TAS2R1: variants seen among roughly 807,000 people sequenced by gnomAD.
The protein encoded by TAS2R1 is taste 2 receptor member 1.
For synonymous variants in TAS2R1, 141 were observed against 134.2 expected (o/e 1.05, Z -0.35); for missense variants, 370 against 353.4 (o/e 1.05, Z -0.38).
chr5:9,649,473 T>A (rs1436199830), intron 2 of TAS2R1, among the ~76,000 whole-genome samples: 4 of 152,174 alleles, frequency 2.6e-5, no homozygotes, highest in Non-Finnish European at 4.4e-5. Context: ...TCCAGCTACA[T>A]CTTATCTTTT....
At chr5:9,751,405 A>G in the TAS2R1 span, among the ~76,000 whole-genome samples, 1 of 152,102 alleles carries the variant, frequency 6.6e-6, no homozygotes, top group Non-Finnish European at 1.5e-5. Context: ...ACCATATAAT[A>G]TATTCTCATG....
At chr5:9,763,225 C>A in the TAS2R1 span, among the ~76,000 whole-genome samples, 3 of 152,160 alleles carry the variant, frequency 2.0e-5, no homozygotes, top group African/African-American at 7.2e-5. Flanking sequence ...TTATGTATGG[C>A]CAGGCACGGT....
the TAS2R1 span, among the ~76,000 whole-genome samples, chr5:9,884,215 C>T: frequency 3.3e-5 from 5 of 152,072 alleles, 1 homozygote; most frequent in African/African-American, 9.7e-5. Context: ...GTGGCTCATG[C>T]CTGTAATCCC....
intron 1 of TAS2R1, among the ~76,000 whole-genome samples, chr5:9,690,870 C>T (rs547879956): frequency 1.3e-5 from 2 of 152,210 alleles, no homozygotes; most frequent in African/African-American, 4.8e-5. Context: ...TCATTAAAAA[C>T]AAAACAGAGC....
chr5:9,900,618 GTT>G, the TAS2R1 span, among the ~76,000 whole-genome samples: 471 of 119,920 alleles, frequency 3.9e-3, 2 homozygotes, highest in African/African-American at 0.012. Context: ...TGCTCAAATG[GTT>G]TTTTTTTTTT....
intron 2 of TAS2R1, among the ~76,000 whole-genome samples, chr5:9,655,238 C>T (rs540936931): frequency 1.3e-5 from 2 of 152,256 alleles, no homozygotes; most frequent in Non-Finnish European, 2.9e-5. Flanking sequence ...ATCATGGTTA[C>T]ATGAGGCATG....
chr5:9,897,020 T>A, the TAS2R1 span, among the ~76,000 whole-genome samples: 11 of 152,190 alleles, frequency 7.2e-5, no homozygotes, highest in Admixed American at 4.6e-4. Flanking sequence ...TGAAAACATC[T>A]GTGTTATGTA....
At chr5:9,841,299 C>G in the TAS2R1 span, among the ~76,000 whole-genome samples, 1 of 152,250 alleles carries the variant, frequency 6.6e-6, no homozygotes, top group East Asian at 1.9e-4. Context: ...TGAAATATTA[C>G]ATATTCCCTT....
chr5:9,654,099 T>C (rs1740361091), intron 2 of TAS2R1, among the ~76,000 whole-genome samples: 1 of 152,070 alleles, frequency 6.6e-6, no homozygotes, highest in Non-Finnish European at 1.5e-5. Context: ...TAAATTCCCT[T>C]CCAAAAATAG....
At chr5:9,716,603 C>T (rs577499735), upstream of TAS2R1, among the ~76,000 whole-genome samples, 20 of 152,098 alleles carry the variant, frequency 1.3e-4, no homozygotes, top group African/African-American at 4.8e-4. Context: ...CTCATAATCA[C>T]CCAAACCTAG....
chr5:9,680,255 T>C (rs1221565165), intron 1 of TAS2R1, among the ~76,000 whole-genome samples: 2 of 152,196 alleles, frequency 1.3e-5, no homozygotes, highest in Admixed American at 1.3e-4. Context: ...AATAAGTGAT[T>C]AGTAATTACA....
intron 2 of TAS2R1, among the ~76,000 whole-genome samples, chr5:9,652,509 G>A (rs902087658): frequency 3.9e-5 from 6 of 152,130 alleles, no homozygotes; most frequent in South Asian, 2.1e-4. Context: ...CTATAGGGAG[G>A]GGGAGCCACA....
chr5:9,805,372 G>A, the TAS2R1 span, among the ~76,000 whole-genome samples: 1 of 152,052 alleles, frequency 6.6e-6, no homozygotes, highest in Non-Finnish European at 1.5e-5. Context: ...AGAGAAAGAG[G>A]AAATTCTCCC....
In TAS2R1 at chr5:9,629,343, G is replaced by A. The variant is rs756089528; in HGVS notation, c.690C>T (p.Ile230=). 2 of 1,613,926 alleles carry A rather than the reference G, an allele frequency of 1.2e-6. No individual in the cohort carries two copies. The highest frequency in any genetic ancestry group is 2.2e-5 in the South Asian group (2 of 91,046). ...RGAPISALLS[I]LSFLILYFSH... is the part of the protein sequence containing the mutation. ...AGAAGTAGAGGATCAGGAAGGACAG[G>A]ATAGACAGCAACGCGCTGATGGGTG... Residue 230 remains isoleucine (I), a synonymous_variant, in exon 1 of 1, where the codon ATC becomes ATT. Coordinates refer to ENST00000382492, the MANE Select transcript of TAS2R1 (RefSeq NM_019599.3).
At chr5:9,723,868 G>A in the TAS2R1 span, among the ~76,000 whole-genome samples, 2 of 152,232 alleles carry the variant, frequency 1.3e-5, no homozygotes, top group Non-Finnish European at 2.9e-5. Context: ...GGAGAAAGGA[G>A]TAGCGCTTGG....
At chr5:9,893,681 C>T in the TAS2R1 span, among the ~76,000 whole-genome samples, 1 of 152,220 alleles carries the variant, frequency 6.6e-6, no homozygotes. Context: ...CCCCTCTCCC[C>T]TCAGAGAGAA....
At chr5:9,847,899 C>T in the TAS2R1 span, among the ~76,000 whole-genome samples, 1 of 152,160 alleles carries the variant, frequency 6.6e-6, no homozygotes, top group Non-Finnish European at 1.5e-5. Context: ...AAAGTGTGGT[C>T]CCCGGACCAG....
chr5:9,859,267 A>C, the TAS2R1 span, among the ~76,000 whole-genome samples: 2 of 152,356 alleles, frequency 1.3e-5, no homozygotes, highest in African/African-American at 4.8e-5. Context: ...TAAAGAAATA[A>C]AGCCACGAAA....
chr5:9,772,521 T>C, the TAS2R1 span, among the ~76,000 whole-genome samples: 6 of 152,124 alleles, frequency 3.9e-5, no homozygotes, highest in African/African-American at 1.4e-4. Flanking sequence ...CTAGGTTCAT[T>C]TGGTCTATAG....
Sources: allele counts gnomAD v4.1 joint callset (sites outside exome capture counted in the v4.1 genomes callset), GRCh38; gene constraint gnomAD v4.1.1; transcripts MANE v1.5; gene names NCBI Gene and HGNC (gene_info 2026-07-23, HGNC 2026-07-21).